The following ENPP2 variants were observed in gnomAD, a reference collection of about 807,000 sequenced individuals.
The protein encoded by ENPP2 is autotaxin.
Under a neutral mutation model 120.2 loss-of-function variants are expected in ENPP2, and 51 were observed. The observed-to-expected ratio is 0.42, with a 90% CI of 0.34 to 0.54. ENPP2 has a LOEUF of 0.54. ENPP2 is among the 20% of genes least tolerant of loss of function. The pLI is 0.04. For missense variants in ENPP2, 920 were observed against 1,066.5 expected, an observed-to-expected ratio of 0.86 and a Z score of 1.91; for synonymous variants, 365 against 366.4, an observed-to-expected ratio of 1.00 and a Z score of 0.04.
intron 2 of ENPP2, among the ~76,000 whole-genome samples, chr8:119,628,786 G>A (rs891059430): frequency 7.2e-5 from 11 of 152,190 alleles, no homozygotes; most frequent in Non-Finnish European, 1.3e-4. Flanking sequence ...GAGAGACAGG[G>A]TAGGGCAGAA....
At chr8:119,608,338 G>T (rs12676315) in intron 8 of ENPP2, among the ~76,000 whole-genome samples, 43,279 of 151,982 alleles carry the variant, frequency 0.28, 6,755 homozygotes, top group South Asian at 0.49. Context: ...CCAAGAGTGG[G>T]CCATATGTTT....
chr8:119,628,397 C>T (rs1243626162), intron 2 of ENPP2, among the ~76,000 whole-genome samples: 1 of 152,070 alleles, frequency 6.6e-6, no homozygotes, highest in Non-Finnish European at 1.5e-5. Flanking sequence ...AGAAATTTAC[C>T]ATTTACACAT....
intron 2 of ENPP2, 36 bp downstream of exon 2, chr8:119,638,389 T>C (rs747805270): frequency 9.6e-7 from 1 of 1,039,322 alleles, no homozygotes; most frequent in Non-Finnish European, 1.5e-6. Context: ...GTAATATTTT[T>C]AAAAAATTGA....
intron 1 of ENPP2, among the ~76,000 whole-genome samples, chr8:119,662,965 A>T (rs1013254867): frequency 2.0e-5 from 3 of 152,064 alleles, no homozygotes; most frequent in African/African-American, 7.2e-5. Flanking sequence ...ATATTTTTTT[A>T]AATTGGCCAG....
chr8:119,576,395 C>A (rs1391589667), intron 19 of ENPP2, among the ~76,000 whole-genome samples: 3 of 152,194 alleles, frequency 2.0e-5, no homozygotes, highest in Non-Finnish European at 4.4e-5. Context: ...ACCTCGGCCT[C>A]CCAAAGTCCT....
At chr8:119,608,029 G>T (rs1814843126) in intron 8 of ENPP2, 52 bp from the exon 9 acceptor site, 4 of 1,333,672 alleles carry the variant, frequency 3.0e-6, no homozygotes, top group Non-Finnish European at 4.2e-6. Flanking sequence ...TTTTGTCAAA[G>T]AAGAAAAAGT....
intron 15 of ENPP2, among the ~76,000 whole-genome samples, chr8:119,584,807 GTTAAT>G (rs778587801): frequency 6.6e-6 from 1 of 152,162 alleles, no homozygotes; most frequent in East Asian, 1.9e-4. Flanking sequence ...TAGCTTTCAT[GTTAAT>G]TTAATACAAA....
intron 19 of ENPP2, among the ~76,000 whole-genome samples, chr8:119,575,838 T>C (rs1419990257): frequency 1.3e-5 from 2 of 152,202 alleles, no homozygotes; most frequent in African/African-American, 4.8e-5. Context: ...TAGGTAAAAG[T>C]TGTTAAAATT....
At chr8:119,636,097 A>G (rs1475308113) in intron 2 of ENPP2, among the ~76,000 whole-genome samples, 2 of 152,170 alleles carry the variant, frequency 1.3e-5, no homozygotes, top group African/African-American at 2.4e-5. Flanking sequence ...TTTGGCGCCT[A>G]AAAATGTTGT....
At chr8:119,673,238 G>A (rs1179669316) in intron 1 of ENPP2, 2 of 1,532,830 alleles carry the variant, frequency 1.3e-6, no homozygotes, top group African/African-American at 2.7e-5. Flanking sequence ...GGTAGAGAGA[G>A]GCGCATACCG....
intron 19 of ENPP2, chr8:119,572,120 G>A: frequency 2.2e-6 from 2 of 918,006 alleles, no homozygotes; most frequent in Non-Finnish European, 3.5e-6. Context: ...AATCGTAACA[G>A]TAGTACTTAG....
At chr8:119,626,801 G>T in intron 2 of ENPP2, 81 bp from the exon 3 acceptor site, 2 of 1,284,356 alleles carry the variant, frequency 1.6e-6, no homozygotes, top group Non-Finnish European at 1.1e-6. Flanking sequence ...AAGCTGTGCG[G>T]TGTGATGCTG....
intron 12 of ENPP2, among the ~76,000 whole-genome samples, chr8:119,591,102 C>T (rs1293704119): frequency 1.3e-5 from 2 of 150,970 alleles, no homozygotes; most frequent in East Asian, 3.9e-4. Context: ...ATGTCATTTT[C>T]CAACTCTCTA....
rs748768934 is a variant in ENPP2 at position 119,584,024 on chromosome 8, G to C, written c.1393C>G (p.Pro465Ala). 1.4e-5 allele frequency: 23 copies of C among 1,611,846 alleles called. No individual in the cohort carries two copies. The South Asian group carries it at 2.3e-4, about 16-fold the overall frequency. ...CCCTGGAAAAAGCATTTTCCTGATGGTTTCTTATAAACATCCAAAGGTTTC... is the reference window on the plus strand; with the variant it reads ...CCCTGGAAAAAGCATTTTCCTGATGCTTTCTTATAAACATCCAAAGGTTTC... ...ARKPLDVYKK[P>A]SGKCFFQGDH... Residue 465 changes from proline to alanine, a missense_variant, in exon 16 of 25, where the codon CCA (proline) becomes GCA (alanine). Pro to Ala is a conservative substitution (Grantham distance 27). Coordinates refer to ENST00000075322, the MANE Select transcript of ENPP2 (RefSeq NM_001040092.3).
At chr8:119,650,029 T>C (rs1394535494) in intron 1 of ENPP2, among the ~76,000 whole-genome samples, 1 of 152,184 alleles carries the variant, frequency 6.6e-6, no homozygotes, top group Non-Finnish European at 1.5e-5. Flanking sequence ...CTCTTATGTA[T>C]ATACCCAAGA....
At chr8:119,560,327 G>A (rs576968164) in intron 24 of ENPP2, among the ~76,000 whole-genome samples, 4 of 152,220 alleles carry the variant, frequency 2.6e-5, no homozygotes, top group East Asian at 1.9e-4. Flanking sequence ...CATGTTATAC[G>A]GAGGCATTAC....
In ENPP2 at chr8:119,617,514, A is replaced by C; in HGVS notation, c.529T>G (p.Ser177Ala). 1 of 1,613,776 alleles carries C rather than the reference A, an allele frequency of 6.2e-7. No homozygotes were observed. The highest frequency in any genetic ancestry group is 8.5e-7 in the Non-Finnish European group (1 of 1,179,774). ...ACTTTGCTGCCTTTCTTCATGTATG[A>C]TGCACGGAAGCCATCCACGGAGAAG... ...IIFSVDGFRA[S>A]YMKKGSKVMP... The change falls in exon 6 of 25, where the codon TCA becomes GCA. Residue 177 changes from serine (S) to alanine (A), a missense_variant. Transcript: ENST00000075322.
chr8:119,644,588 A>ATATG (rs1491369596), intron 1 of ENPP2, among the ~76,000 whole-genome samples: 10 of 25,908 alleles, frequency 3.9e-4, no homozygotes, highest in South Asian at 9.1e-4. Flanking sequence ...GATTACTAAA[A>ATATG]TATATATATA....
chr8:119,617,490 C>G lies in ENPP2; in HGVS notation c.553G>C (p.Val185Leu). The G allele has an allele frequency of 2.5e-6, 4 of 1,612,330 alleles. No homozygotes were observed. The highest frequency in any genetic ancestry group is 3.4e-6 in the Non-Finnish European group (4 of 1,178,674). ...CTTAGTTTTTCAATATTAGGCATGA[C>G]TTTGCTGCCTTTCTTCATGTATGAT... is the stretch of plus-strand genomic sequence containing the variant. ...RASYMKKGSKVMPNIEKLRSC... is the reference protein window; with the variant it reads ...RASYMKKGSKLMPNIEKLRSC... The change falls in exon 6 of 25, where the codon GTC (valine) becomes CTC (leucine). Residue 185 changes from valine (V) to leucine (L), a missense_variant. By Grantham distance (32) the Val-to-Leu change is conservative (BLOSUM62 1). Transcript: ENST00000075322.
Sources: allele counts gnomAD v4.1 joint callset (sites outside exome capture counted in the v4.1 genomes callset), GRCh38; gene constraint gnomAD v4.1.1; transcripts MANE v1.5; gene names NCBI Gene and HGNC (gene_info 2026-07-23, HGNC 2026-07-21).